The following PTPRT variants were observed in gnomAD, a reference collection of about 807,000 sequenced individuals.
PTPRT encodes protein tyrosine phosphatase receptor type T, also known as receptor-type tyrosine-protein phosphatase T.
PTPRT carries 56 observed loss-of-function variants against 176.8 expected under a neutral mutation model. The ratio of observed to expected loss-of-function variants is 0.32; its 90% CI spans 0.26 to 0.40. The LOEUF is 0.40. PTPRT is among the 10% of genes least tolerant of loss of function. The probability of loss-of-function intolerance (pLI) is 1.00; values close to 1 mark genes in which losing one functional copy is unlikely to be tolerated. For synonymous variants in PTPRT, 783 were observed against 739.0 expected (o/e 1.06, Z -0.96); for missense variants, 1,540 against 1,908.2 (o/e 0.81, Z 3.60).
At chr20:42,656,282 A>G (rs73266016) in intron 7 of PTPRT, among the ~76,000 whole-genome samples, 3,071 of 152,202 alleles carry the variant, frequency 0.02, 113 homozygotes, top group African/African-American at 0.07. Flanking sequence ...CAGGTGCTAA[A>G]AATTCAGAGC....
intron 1 of PTPRT, among the ~76,000 whole-genome samples, chr20:42,977,789 C>T (rs1210533729): frequency 6.6e-6 from 1 of 152,176 alleles, no homozygotes. Context: ...TATTGCTGAA[C>T]ATTTAAAATT....
intron 6 of PTPRT, among the ~76,000 whole-genome samples, chr20:42,701,759 G>C: frequency 6.6e-6 from 1 of 152,092 alleles, no homozygotes. Context: ...CCACCAAGAA[G>C]ACACTTGGAT....
At chr20:43,163,274 C>A (rs572905278) in intron 1 of PTPRT, among the ~76,000 whole-genome samples, 1 of 152,336 alleles carries the variant, frequency 6.6e-6, no homozygotes, top group African/African-American at 2.4e-5. Flanking sequence ...AGGCCAGCCA[C>A]ATTCACCCTT....
chr20:42,465,340 C>G (rs1388793665), intron 8 of PTPRT, among the ~76,000 whole-genome samples: 6 of 152,122 alleles, frequency 3.9e-5, no homozygotes, highest in Non-Finnish European at 7.4e-5. Flanking sequence ...CCACAAGTAC[C>G]AAACAACATA....
At chr20:42,613,903 G>C (rs1186770487) in intron 7 of PTPRT, among the ~76,000 whole-genome samples, 1 of 148,902 alleles carries the variant, frequency 6.7e-6, no homozygotes, top group Non-Finnish European at 1.5e-5. Flanking sequence ...CCACTTGAAG[G>C]GGAAAAGAAG....
chr20:42,390,272 A>G (rs940284404), intron 9 of PTPRT, among the ~76,000 whole-genome samples: 3 of 152,242 alleles, frequency 2.0e-5, no homozygotes, highest in Non-Finnish European at 4.4e-5. Flanking sequence ...CAGTCAATAC[A>G]TTATGCTTAT....
rs149493459 is a variant in PTPRT, at chr20:42,571,598, C to T, written c.1154-99036G>A. Among the ~76,000 whole-genome samples the T allele has an allele frequency of 2.0e-4, 31 of 152,310 alleles. 1 individual carries two copies. Among genetic ancestry groups the T allele is most frequent in the African/African-American group, 7.0e-4 (29 of 41,570 alleles). On this transcript the variant is annotated intron_variant, in intron 7 of 30. Coordinates refer to ENST00000373187, the MANE Select transcript of PTPRT (RefSeq NM_007050.6). Reference sequence around the variant, plus strand: ...GTGCCCTTGTGAATGAAACTGTTCACGTAGTTCAGATTTCTATTACAACAG... The same window carrying T: ...GTGCCCTTGTGAATGAAACTGTTCATGTAGTTCAGATTTCTATTACAACAG...
intron 2 of PTPRT, among the ~76,000 whole-genome samples, chr20:42,820,062 G>C (rs745812868): frequency 2.0e-5 from 3 of 152,204 alleles, no homozygotes; most frequent in Non-Finnish European, 4.4e-5. Context: ...TCTGGATCAA[G>C]TGGACCTAGT....
chr20:42,950,052 T>G (rs1274301669), intron 1 of PTPRT, among the ~76,000 whole-genome samples: 1 of 152,202 alleles, frequency 6.6e-6, no homozygotes, highest in Non-Finnish European at 1.5e-5. Context: ...TGGGACTCTG[T>G]GGCAGCAAAG....
intron 1 of PTPRT, among the ~76,000 whole-genome samples, chr20:43,090,216 A>G (rs1355768990): frequency 6.6e-6 from 1 of 152,178 alleles, no homozygotes; most frequent in Non-Finnish European, 1.5e-5. Flanking sequence ...CTTAATTAAT[A>G]TCTTCCAAGA....
intron 1 of PTPRT, among the ~76,000 whole-genome samples, chr20:43,157,014 T>C (rs1313521435): frequency 6.6e-6 from 1 of 152,088 alleles, no homozygotes; most frequent in Non-Finnish European, 1.5e-5. Context: ...GCTGAATCCC[T>C]ATCACATGCC....
At chr20:43,130,331 C>T (rs955700501) in intron 1 of PTPRT, among the ~76,000 whole-genome samples, 2 of 152,056 alleles carry the variant, frequency 1.3e-5, no homozygotes, top group African/African-American at 4.8e-5. Flanking sequence ...TTCCCTTACC[C>T]CACCCCCTAC....
At chr20:43,105,091 A>G (rs1400533120) in intron 1 of PTPRT, among the ~76,000 whole-genome samples, 1 of 152,154 alleles carries the variant, frequency 6.6e-6, no homozygotes, top group East Asian at 1.9e-4. Context: ...ACACATCCAG[A>G]TGGACAGGGG....
intron 1 of PTPRT, among the ~76,000 whole-genome samples, chr20:43,064,301 G>C (rs1851193199): frequency 1.3e-5 from 2 of 152,154 alleles, no homozygotes; most frequent in African/African-American, 4.8e-5. Flanking sequence ...TAGGAAGACA[G>C]AGCCACAAGA....
intron 15 of PTPRT, among the ~76,000 whole-genome samples, chr20:42,227,890 T>C (rs994985210): frequency 2.0e-5 from 3 of 152,178 alleles, no homozygotes; most frequent in Non-Finnish European, 2.9e-5. Context: ...ATTACAGGCA[T>C]GAGCCACCAC....
intron 1 of PTPRT, among the ~76,000 whole-genome samples, chr20:43,114,881 G>A (rs1489553745): frequency 1.3e-5 from 2 of 152,012 alleles, no homozygotes; most frequent in Non-Finnish European, 2.9e-5. Flanking sequence ...AATGGAGTGG[G>A]AAGCCTAAGG....
At chr20:42,379,694 C>A (rs2058681930) in intron 9 of PTPRT, among the ~76,000 whole-genome samples, 1 of 152,194 alleles carries the variant, frequency 6.6e-6, no homozygotes, top group Non-Finnish European at 1.5e-5. Flanking sequence ...GGCTTGATGC[C>A]CCTAAATTGT....
chr20:42,089,295 T>C (rs1984363564), intron 27 of PTPRT, among the ~76,000 whole-genome samples: 1 of 152,170 alleles, frequency 6.6e-6, no homozygotes, highest in Non-Finnish European at 1.5e-5. Context: ...AGTCTATGGT[T>C]GGTCAGAGAA....
intron 9 of PTPRT, among the ~76,000 whole-genome samples, chr20:42,411,543 AAAAAG>A (rs900710223): frequency 2.0e-5 from 3 of 151,358 alleles, no homozygotes; most frequent in Non-Finnish European, 2.9e-5. Context: ...AAAAAAAAGA[AAAAAG>A]AAAAGATCAA....
Sources: allele counts gnomAD v4.1 joint callset (sites outside exome capture counted in the v4.1 genomes callset), GRCh38; gene constraint gnomAD v4.1.1; transcripts MANE v1.5; gene names NCBI Gene and HGNC (gene_info 2026-07-23, HGNC 2026-07-21).